The following LHCGR variants were observed in gnomAD, a reference collection of about 807,000 sequenced individuals.
The protein encoded by LHCGR is luteinizing hormone/choriogonadotropin receptor.
A neutral mutation model predicts 60.7 loss-of-function variants in LHCGR; 55 were observed. The observed-to-expected ratio is 0.91, with a 90% confidence interval of 0.73 to 1.13. LHCGR has a LOEUF of 1.13. LHCGR is among the 50% of genes most tolerant of loss of function. The probability of loss-of-function intolerance (pLI) is 0.00; values close to 1 mark genes in which losing one functional copy is unlikely to be tolerated. For missense variants in LHCGR, 862 were observed against 836.0 expected (o/e 1.03, Z -0.38); for synonymous variants, 337 against 316.5 (o/e 1.06, Z -0.69).
At chr2:48,753,461 C>T (rs1670069739) in intron 1 of LHCGR, among the ~76,000 whole-genome samples, 1 of 152,146 alleles carries the variant, frequency 6.6e-6, no homozygotes, top group Admixed American at 6.5e-5. Context: ...TTGTGAGGGT[C>T]ACCACGCTTG....
At chr2:48,754,044 G>T (rs1444839499) in intron 1 of LHCGR, among the ~76,000 whole-genome samples, 1 of 152,178 alleles carries the variant, frequency 6.6e-6, no homozygotes, top group Admixed American at 6.5e-5. Context: ...AACATGGCAT[G>T]CTTGTCAGGG....
chr2:48,730,632 C>G (rs191651861), intron 2 of LHCGR, among the ~76,000 whole-genome samples: 1 of 152,206 alleles, frequency 6.6e-6, no homozygotes, highest in East Asian at 1.9e-4. Flanking sequence ...AATACTGGGC[C>G]CTTGAGAACA....
intron 8 of LHCGR, among the ~76,000 whole-genome samples, chr2:48,699,125 TATTTTATAC>T (rs1246575225): frequency 6.6e-6 from 1 of 152,130 alleles, no homozygotes; most frequent in African/African-American, 2.4e-5. Flanking sequence ...CGCCCGGCCA[TATTTTATAC>T]ATTTTATTCA....
chr2:48,688,840 G>A lies in LHCGR; in HGVS notation c.957C>T (p.Ser319=), dbSNP rs1444193405. Residue 319 remains serine, a synonymous_variant, in exon 11 of 11, where the codon TCC becomes TCT. Coordinates refer to ENST00000294954, the MANE Select transcript of LHCGR (RefSeq NM_000233.4). The surrounding 1 kb of genome is among the most constrained non-coding windows in gnomAD (Gnocchi z 5.2). ...CACTCAGTTCACTCTCAGCAAGCAT[G>A]GAAGAATAACTGTAAGAAGAATTAT... ...RKVNNKTLYS[S]MLAESELSGW... is the part of the protein sequence containing the mutation. The A allele has an allele frequency of 1.2e-6, 2 of 1,613,942 alleles. No homozygotes were observed. The highest frequency in any genetic ancestry group is 1.1e-5 in the South Asian group (1 of 91,064).
rs766278168 is a variant in LHCGR, at chr2:48,698,840, T to G, written c.681-40A>C. The G allele has an allele frequency of 4.8e-6, 7 of 1,445,304 alleles. No homozygotes were observed. In the South Asian group the frequency reaches 8.6e-5, roughly 18 times the overall value. The allele number at this position is 1,445,304 out of a possible 1,614,324, so 89.5% of individuals were successfully genotyped here. A position where few individuals can be genotyped will look rare whatever the true frequency, so the allele number is the denominator to read the frequency against. ...GGAGAAATGCTTTTTATTTATTTAT[T>G]TTATACATTTTTTTTTTTTGAGACG... is the stretch of plus-strand genomic sequence containing the variant. On this transcript the variant is annotated intron_variant, in intron 8 of 10. Coordinates refer to ENST00000294954, the MANE Select transcript of LHCGR (RefSeq NM_000233.4).
At chr2:48,733,707 G>C (rs1402408647) in intron 1 of LHCGR, among the ~76,000 whole-genome samples, 2 of 152,002 alleles carry the variant, frequency 1.3e-5, no homozygotes, top group African/African-American at 4.8e-5. Context: ...TTCCCATGAG[G>C]CAACACAGAG....
At chr2:48,729,623 A>G (rs1035181719) in intron 2 of LHCGR, among the ~76,000 whole-genome samples, 5 of 152,214 alleles carry the variant, frequency 3.3e-5, no homozygotes, top group African/African-American at 9.6e-5. Context: ...TTAAGGTTCA[A>G]GACTAGGATA....
intron 7 of LHCGR, 91 bp downstream of exon 7, chr2:48,713,895 C>G: frequency 9.7e-7 from 1 of 1,035,014 alleles, no homozygotes; most frequent in Non-Finnish European, 1.5e-6. Flanking sequence ...TATTTTTGCC[C>G]TGAGTTAGTT....
chr2:48,731,114 C>G, intron 2 of LHCGR, 113 bp downstream of exon 2: 1 of 713,746 alleles, frequency 1.4e-6, no homozygotes, highest in Non-Finnish European at 2.5e-6. Flanking sequence ...ATGTGAGTAT[C>G]CTAAACACAA....
chr2:48,691,715 ATG>A (rs951716073), intron 10 of LHCGR, among the ~76,000 whole-genome samples: 6 of 152,088 alleles, frequency 3.9e-5, no homozygotes, highest in African/African-American at 1.4e-4. Flanking sequence ...GCGTGGTGGT[ATG>A]CCCCTGTAAT....
chr2:48,698,655 G>T lies in LHCGR; in HGVS notation c.826C>A (p.Pro276Thr). 1 of 1,614,062 alleles carries T rather than the reference G, an allele frequency of 6.2e-7. No individual in the cohort carries two copies. The highest frequency in any genetic ancestry group is 8.5e-7 in the Non-Finnish European group (1 of 1,180,002). ...TTTCTAAAAGCACAGCAGTGGCTGG[G>T]GTAAGTCAACGTGGCCTCCAGGAGA... is the stretch of plus-strand genomic sequence containing the variant. ...VNLLEATLTY[P>T]SHCCAFRNLP... The change falls in exon 9 of 11, where the codon CCC becomes ACC. Residue 276 changes from proline to threonine, a missense_variant. Coordinates refer to ENST00000294954, the MANE Select transcript of LHCGR (RefSeq NM_000233.4).
intron 1 of LHCGR, among the ~76,000 whole-genome samples, chr2:48,749,250 G>C (rs1199291107): frequency 6.6e-6 from 1 of 152,232 alleles, no homozygotes; most frequent in African/African-American, 2.4e-5. Context: ...GAAGCTGGGA[G>C]TACATGAGGA....
chr2:48,755,353 T>C (rs1033437097), intron 1 of LHCGR, among the ~76,000 whole-genome samples, 158 bp downstream of exon 1: 1 of 152,004 alleles, frequency 6.6e-6, no homozygotes, highest in Admixed American at 6.6e-5. Context: ...AAGTTTTGGG[T>C]TCTCATCACC....
At chr2:48,747,091 CT>C (rs10625923) in intron 1 of LHCGR, among the ~76,000 whole-genome samples, 9 of 148,794 alleles carry the variant, frequency 6.0e-5, no homozygotes, top group Non-Finnish European at 7.4e-5. Context: ...TTTTCTTTTA[CT>C]TTTTTTTTTC....
At chr2:48,707,637 T>C (rs1032874585) in intron 8 of LHCGR, among the ~76,000 whole-genome samples, 1 of 152,268 alleles carries the variant, frequency 6.6e-6, no homozygotes, top group Non-Finnish European at 1.5e-5. Context: ...CTGAGCTGTA[T>C]TGGGCTCCGC....
chr2:48,747,091 C>CTTT (rs10625923), intron 1 of LHCGR, among the ~76,000 whole-genome samples: 17 of 148,894 alleles, frequency 1.1e-4, no homozygotes, highest in Admixed American at 2.0e-4. Flanking sequence ...TTTTCTTTTA[C>CTTT]TTTTTTTTTT....
intron 4 of LHCGR, 92 bp from the exon 5 acceptor site, chr2:48,723,788 T>A: frequency 1.1e-6 from 1 of 935,348 alleles, no homozygotes; most frequent in East Asian, 2.4e-5. Context: ...TACAAAGGCA[T>A]TTTGCAAATA....
At chr2:48,717,087 C>G (rs1177048236) in intron 6 of LHCGR, among the ~76,000 whole-genome samples, 2 of 152,132 alleles carry the variant, frequency 1.3e-5, no homozygotes, top group Non-Finnish European at 2.9e-5. Context: ...GGAATTGTGT[C>G]CAGAGTCTAG....
chr2:48,738,267 G>A (rs1163583349), intron 1 of LHCGR, among the ~76,000 whole-genome samples: 1 of 151,948 alleles, frequency 6.6e-6, no homozygotes, highest in Non-Finnish European at 1.5e-5. Flanking sequence ...TTTACCAGAT[G>A]CCATGCGTGA....
Sources: gnomAD v4.1 joint callset for allele counts (sites outside exome capture counted in the v4.1 genomes callset) on GRCh38, gnomAD v4.1.1 for gene constraint, Gnocchi (gnomAD v3.1) non-coding constraint, MANE v1.5 for transcripts, NCBI Gene and HGNC (gene_info 2026-07-23, HGNC 2026-07-21) for gene names.